Variants in ERCC6L2 observed in about 807,000 individuals in gnomAD.
ERCC6L2 encodes the protein DNA excision repair protein ERCC-6-like 2.
In ERCC6L2, 77 loss-of-function variants were observed where a neutral mutation model predicts 132.0. That is an observed-to-expected ratio of 0.58 (90% CI 0.49 to 0.71). The LOEUF (loss-of-function observed/expected upper bound fraction) is 0.71, where lower values mean the gene tolerates loss of function less well. Among genes scored for constraint, ERCC6L2 ranks in the 30% least tolerant of loss-of-function variants. The pLI, the probability that ERCC6L2 is intolerant of heterozygous loss-of-function variation, is 0.00. For missense variants in ERCC6L2, 1,542 were observed against 1,837.6 expected, an observed-to-expected ratio of 0.84 and a Z score of 2.94; for synonymous variants, 583 against 632.4, an observed-to-expected ratio of 0.92 and a Z score of 1.17.
intron 17 of ERCC6L2, among the ~76,000 whole-genome samples, chr9:95,995,041 A>G (rs1302978892): frequency 6.6e-6 from 1 of 152,222 alleles, no homozygotes; most frequent in African/African-American, 2.4e-5. Context: ...CTATATAAAG[A>G]TAGATTCCAT....
At chr9:95,902,249 CT>C (rs1489180109) in intron 3 of ERCC6L2, among the ~76,000 whole-genome samples, 1 of 152,052 alleles carries the variant, frequency 6.6e-6, no homozygotes, top group Non-Finnish European at 1.5e-5. Flanking sequence ...TGGAATGGTT[CT>C]TTAGATGTAG....
chr9:95,960,932 A>T (rs563168994), intron 13 of ERCC6L2, among the ~76,000 whole-genome samples: 1 of 152,266 alleles, frequency 6.6e-6, no homozygotes, highest in African/African-American at 2.4e-5. Flanking sequence ...AATTCTATCA[A>T]ACACTTAATA....
chr9:95,940,075 T>TGG (rs1564244280), intron 11 of ERCC6L2, among the ~76,000 whole-genome samples: 1 of 152,146 alleles, frequency 6.6e-6, no homozygotes, highest in Non-Finnish European at 1.5e-5. Flanking sequence ...CCTGTTATCA[T>TGG]TGGGAAGAAA....
intron 13 of ERCC6L2, 88 bp from the exon 14 acceptor site, chr9:95,966,474 A>C (rs1832161546): frequency 8.2e-7 from 1 of 1,216,550 alleles, no homozygotes; most frequent in East Asian, 2.8e-5. Context: ...CTCCAGCTAA[A>C]GCTGTGTATA....
At position 95,915,803 on chromosome 9, in the gene ERCC6L2, G is replaced by T. The variant is rs762077201; in HGVS notation, c.924G>T (p.Met308Ile). 3 of 1,612,536 alleles carry T rather than the reference G, an allele frequency of 1.9e-6. No individual in the cohort carries two copies. The South Asian group carries it at 3.3e-5, about 18-fold the overall frequency. Residue 308 changes from methionine (M) to isoleucine (I), a missense_variant, in exon 5 of 19, where the codon ATG becomes ATT. This residue lies in a region of ERCC6L2 where 945 missense variants were observed against 1,105.2 expected (regional missense o/e 0.86). Transcript: ENST00000653738. ...GLTGTILQNN[M>I]KELWCVMDWA... Reference sequence around the variant, plus strand: ...CTGGAACCATCCTTCAGAACAACATGAAGGAACTGTGGTGTGTTATGGACT... The same window carrying T: ...CTGGAACCATCCTTCAGAACAACATTAAGGAACTGTGGTGTGTTATGGACT...
chr9:95,953,582 A>AC (rs1587969051), intron 12 of ERCC6L2, among the ~76,000 whole-genome samples: 1 of 151,884 alleles, frequency 6.6e-6, no homozygotes, highest in Non-Finnish European at 1.5e-5. Context: ...CTCAAAAAAA[A>AC]AAAAAAACAA....
At chr9:95,981,265 A>G (rs531022430) in intron 17 of ERCC6L2, among the ~76,000 whole-genome samples, 15 of 152,294 alleles carry the variant, frequency 9.8e-5, no homozygotes, top group African/African-American at 3.6e-4. Context: ...TTCCATATAC[A>G]GTAATTATTT....
In ERCC6L2 at chr9:95,915,761, T is replaced by C; in HGVS notation, c.882T>C (p.Asn294=). 1 of 1,614,030 alleles carries C rather than the reference T, an allele frequency of 6.2e-7. No homozygotes were observed. The highest frequency in any genetic ancestry group is 8.5e-7 in the Non-Finnish European group (1 of 1,179,922). Residue 294 remains asparagine, a synonymous_variant, in exon 5 of 19, where the codon AAT becomes AAC. Transcript: ENST00000653738. ...AAGTTATGAAAGCTTTGAAATGTAA[T>C]GTCCGCATTGGCCTCACTGGAACCA... The part of the protein sequence containing the change: ...VTEVMKALKC[N]VRIGLTGTIL...
chr9:95,961,444 A>G (rs573307595), intron 13 of ERCC6L2, among the ~76,000 whole-genome samples: 341 of 152,274 alleles, frequency 2.2e-3, no homozygotes, highest in Non-Finnish European at 3.7e-3. Flanking sequence ...GCATGGCCCT[A>G]TGGACACCTT....
chr9:95,941,613 T>C (rs1830805686), intron 12 of ERCC6L2, 64 bp downstream of exon 12: 1 of 1,231,006 alleles, frequency 8.1e-7, no homozygotes, highest in African/African-American at 1.5e-5. Context: ...ACTCTTGAAC[T>C]TTTAAGGTTG....
rs1408564806 is a variant in ERCC6L2 at position 96,015,342 on chromosome 9, C to T, written c.*2139C>T. On this transcript the variant is annotated 3_prime_UTR_variant, in exon 19 of 19. Transcript: ENST00000653738. Reference sequence around the variant, plus strand: ...CTGGGACTACAGGTGCGTGCCACCACGCCCAGCTAATTTTTTTGTGTTTTT... The same window carrying T: ...CTGGGACTACAGGTGCGTGCCACCATGCCCAGCTAATTTTTTTGTGTTTTT... Among the ~76,000 whole-genome samples, 3 of 151,780 alleles carry T rather than the reference C, an allele frequency of 2.0e-5. No individual in the cohort carries two copies. The highest frequency in any genetic ancestry group is 2.9e-5 in the Non-Finnish European group (2 of 67,952).
intron 12 of ERCC6L2, among the ~76,000 whole-genome samples, chr9:95,946,237 A>G (rs913057086): frequency 2.6e-5 from 4 of 152,190 alleles, no homozygotes; most frequent in Admixed American, 2.0e-4. Context: ...CTCTTAAAAA[A>G]TAATAAATTG....
At chr9:96,037,967 G>A (rs1481032483) in intron 19 of ERCC6L2, among the ~76,000 whole-genome samples, 1 of 151,974 alleles carries the variant, frequency 6.6e-6, no homozygotes, top group African/African-American at 2.4e-5. Flanking sequence ...TGGAATAAGG[G>A]CAGAGCAGCT....
intron 19 of ERCC6L2, among the ~76,000 whole-genome samples, chr9:96,025,033 A>G (rs1834342730): frequency 6.6e-6 from 1 of 152,192 alleles, no homozygotes; most frequent in Admixed American, 6.5e-5. Flanking sequence ...GTTTCCTACC[A>G]GTGTCCTAGT....
intron 1 of ERCC6L2, among the ~76,000 whole-genome samples, chr9:95,877,861 T>C (rs557233581): frequency 6.6e-6 from 1 of 152,088 alleles, no homozygotes; most frequent in South Asian, 2.1e-4. Flanking sequence ...ACTGAATGTC[T>C]GCTGTGTGAC....
At chr9:95,906,939 ATCAC>A in intron 3 of ERCC6L2, 135 bp from the exon 4 acceptor site, 1 of 641,490 alleles carries the variant, frequency 1.6e-6, no homozygotes, top group Non-Finnish European at 2.7e-6. Context: ...GATATAGCTA[ATCAC>A]TCAGTTGTAT....
intron 2 of ERCC6L2, among the ~76,000 whole-genome samples, chr9:95,890,406 T>C (rs1351065576): frequency 6.6e-6 from 1 of 152,214 alleles, no homozygotes; most frequent in Non-Finnish European, 1.5e-5. Context: ...ATAGAAAGTT[T>C]ATGTAAATTG....
chr9:95,886,358 TAAA>T (rs144698177), intron 2 of ERCC6L2, among the ~76,000 whole-genome samples: 67 of 150,104 alleles, frequency 4.5e-4, no homozygotes, highest in African/African-American at 1.6e-3. Flanking sequence ...TCATTTCATT[TAAA>T]AAAAAAATAC....
chr9:96,013,111 T>C lies in ERCC6L2; in HGVS notation c.4561T>C (p.Ser1521Pro). ...TAAAAGGAGAGAAGAGCCAGCAACTTCTCTTTGGAAATCAAATGAGAAATT... is the reference window on the plus strand; with the variant it reads ...TAAAAGGAGAGAAGAGCCAGCAACTCCTCTTTGGAAATCAAATGAGAAATT... ...PFKRREEPAT[S>P]LWKSNEKFLW... Residue 1521 changes from serine to proline, a missense_variant, in exon 19 of 19, where the codon TCT (serine) becomes CCT (proline). Physicochemically the swap from Ser to Pro is moderately conservative, Grantham distance 74. This residue lies in a region of ERCC6L2 where 442 missense variants were observed against 583.4 expected (regional missense o/e 0.76). Coordinates refer to ENST00000653738, the MANE Select transcript of ERCC6L2 (RefSeq NM_020207.7). The C allele has an allele frequency of 7.3e-7, 1 of 1,367,306 alleles. No individual in the cohort carries two copies. Among genetic ancestry groups the C allele is most frequent in the Non-Finnish European group, 9.8e-7 (1 of 1,021,778 alleles). 84.7% of individuals were successfully genotyped at this position (1,367,306 alleles called of 1,614,324 possible).
Sources: allele counts gnomAD v4.1 joint callset (sites outside exome capture counted in the v4.1 genomes callset), GRCh38; gene constraint gnomAD v4.1.1; regional missense constraint gnomAD v4.1.1; transcripts MANE v1.5; gene names NCBI Gene and HGNC (gene_info 2026-07-23, HGNC 2026-07-21).